NINL: variants seen among roughly 807,000 people sequenced by gnomAD.
The protein encoded by NINL is ninein-like protein.
NINL carries 153 observed loss-of-function variants against 160.3 expected under a neutral mutation model. The observed-to-expected ratio is 0.95, with a 90% CI of 0.84 to 1.09. The LOEUF (loss-of-function observed/expected upper bound fraction) is 1.09, where lower values mean the gene tolerates loss of function less well. NINL is among the 50% of genes least tolerant of loss of function. The pLI, the probability that NINL is intolerant of heterozygous loss-of-function variation, is 0.00. For synonymous variants in NINL, 800 were observed against 734.8 expected, an observed-to-expected ratio of 1.09 and a Z score of -1.43; for missense variants, 1,829 against 1,764.0, an observed-to-expected ratio of 1.04 and a Z score of -0.66.
Position 25,540,189 on chromosome 20 carries a change from G to C in NINL, c.-11-13591C>G, listed in dbSNP as rs1159206335. On this transcript the variant is annotated intron_variant, in intron 1 of 23. Transcript: ENST00000278886. ...TTGAGGGCAATATTCCAGATAAAAAGCAACAGTTTCTCTTAGTTTCATTTT... is the reference window on the plus strand; with the variant it reads ...TTGAGGGCAATATTCCAGATAAAAACCAACAGTTTCTCTTAGTTTCATTTT... 6 of 311,224 alleles carry C rather than the reference G, an allele frequency of 1.9e-5. No individual in the cohort carries two copies. The East Asian group carries it at 6.9e-4, about 36-fold the overall frequency. 19.3% of individuals were successfully genotyped at this position (311,224 alleles called of 1,614,324 possible). A position where few individuals can be genotyped will look rare whatever the true frequency, so the allele number is the denominator to read the frequency against.
At chr20:25,482,209 G>A (rs1411834474) in intron 13 of NINL, 109 bp from the exon 14 acceptor site, 1 of 1,251,730 alleles carries the variant, frequency 8.0e-7, no homozygotes, top group African/African-American at 1.5e-5. Flanking sequence ...TGCACTGTGA[G>A]GTGAGGGCCT....
intron 1 of NINL, among the ~76,000 whole-genome samples, chr20:25,553,665 CATT>C (rs1198611286): frequency 6.6e-6 from 1 of 152,210 alleles, no homozygotes; most frequent in East Asian, 1.9e-4. Context: ...ACTTGCACGC[CATT>C]ATGTGAACCT....
At chr20:25,582,027 C>T (rs6115216) in intron 1 of NINL, among the ~76,000 whole-genome samples, 12,139 of 152,238 alleles carry the variant, frequency 0.08, 712 homozygotes, top group South Asian at 0.19. Context: ...GGAGGCCGAG[C>T]GGGGTGGATC....
chr20:25,464,411 C>T (rs967127888), intron 19 of NINL, among the ~76,000 whole-genome samples: 1 of 148,060 alleles, frequency 6.8e-6, no homozygotes, highest in Non-Finnish European at 1.5e-5. Flanking sequence ...AACAAGACTC[C>T]ATCTCAAAAC....
intron 1 of NINL, among the ~76,000 whole-genome samples, chr20:25,577,721 C>A (rs2065131183): frequency 6.6e-6 from 1 of 152,154 alleles, no homozygotes; most frequent in Non-Finnish European, 1.5e-5. Context: ...TGAGGTCCAT[C>A]CTGGCGGGGG....
intron 16 of NINL, among the ~76,000 whole-genome samples, chr20:25,477,968 T>G (rs955777507): frequency 2.0e-5 from 3 of 150,678 alleles, no homozygotes; most frequent in Non-Finnish European, 4.4e-5. Context: ...TTTTTTTTTT[T>G]AGACGAGTCT....
chr20:25,515,619 C>G (rs958655899), intron 3 of NINL, among the ~76,000 whole-genome samples: 3 of 152,038 alleles, frequency 2.0e-5, no homozygotes, highest in Non-Finnish European at 4.4e-5. Context: ...GTGTCCCCAC[C>G]CAAATCTCAT....
At chr20:25,527,987 A>G (rs918715670) in intron 1 of NINL, among the ~76,000 whole-genome samples, 15 of 152,250 alleles carry the variant, frequency 9.9e-5, no homozygotes, top group African/African-American at 3.4e-4. Context: ...ATTACTGTGT[A>G]TTTATATGAC....
At chr20:25,531,519 A>G (rs1291645721) in intron 1 of NINL, among the ~76,000 whole-genome samples, 4 of 152,156 alleles carry the variant, frequency 2.6e-5, no homozygotes, top group Non-Finnish European at 5.9e-5. Context: ...TAAAAGTATT[A>G]ATTTGGGGAT....
intron 10 of NINL, 64 bp from the exon 11 acceptor site, chr20:25,491,589 C>G (rs958683331): frequency 6.4e-7 from 1 of 1,556,424 alleles, no homozygotes; most frequent in Non-Finnish European, 8.8e-7. Context: ...CCCACGCCAC[C>G]CCCTTCCTAG....
At chr20:25,572,432 T>G (rs977802027) in intron 1 of NINL, among the ~76,000 whole-genome samples, 1 of 152,154 alleles carries the variant, frequency 6.6e-6, no homozygotes, top group African/African-American at 2.4e-5. Flanking sequence ...TAATTATCTT[T>G]TGGTGATATA....
chr20:25,573,028 G>A (rs1200637417), intron 1 of NINL, among the ~76,000 whole-genome samples: 1 of 152,146 alleles, frequency 6.6e-6, no homozygotes, highest in African/African-American at 2.4e-5. Flanking sequence ...CAGGCGTGGT[G>A]GCTCACACCT....
intron 17 of NINL, among the ~76,000 whole-genome samples, chr20:25,473,189 C>T (rs1019172059): frequency 3.3e-5 from 5 of 152,152 alleles, no homozygotes; most frequent in African/African-American, 1.2e-4. Context: ...GTGGTTACCC[C>T]GGGGACTCTG....
intron 10 of NINL, among the ~76,000 whole-genome samples, chr20:25,491,790 A>G (rs1210377076): frequency 6.6e-6 from 1 of 152,232 alleles, no homozygotes; most frequent in African/African-American, 2.4e-5. Flanking sequence ...CACAGCGAGG[A>G]GCACAGCTCC....
At chr20:25,481,641 T>A (rs1365633133) in intron 14 of NINL, among the ~76,000 whole-genome samples, 1 of 152,178 alleles carries the variant, frequency 6.6e-6, no homozygotes, top group East Asian at 1.9e-4. Flanking sequence ...GAGGCCCCAA[T>A]GCATTCTCCG....
intron 1 of NINL, among the ~76,000 whole-genome samples, chr20:25,552,613 G>T (rs1215398532): frequency 1.3e-5 from 2 of 152,174 alleles, no homozygotes; most frequent in African/African-American, 4.8e-5. Flanking sequence ...ATCACGGAGG[G>T]GCCACAAGCC....
chr20:25,491,049 G>A (rs1259603961), intron 11 of NINL, among the ~76,000 whole-genome samples: 1 of 152,240 alleles, frequency 6.6e-6, no homozygotes, highest in Non-Finnish European at 1.5e-5. Flanking sequence ...GGTTTCTGGG[G>A]TTGAAGCAGT....
chr20:25,567,017 A>C (rs1242560601), intron 1 of NINL, among the ~76,000 whole-genome samples: 2 of 151,668 alleles, frequency 1.3e-5, no homozygotes, highest in Non-Finnish European at 2.9e-5. Flanking sequence ...ATGGTGGTGC[A>C]TACCTATAGT....
chr20:25,499,564 G>A lies in NINL; in HGVS notation c.1033-1218C>T, dbSNP rs947216529. Among the ~76,000 whole-genome samples, 5 of 152,182 alleles carry A rather than the reference G, an allele frequency of 3.3e-5. No individual in the cohort carries two copies. In the South Asian group the frequency reaches 6.2e-4, roughly 19 times the overall value. On this transcript the variant is annotated intron_variant, in intron 8 of 23. Coordinates refer to ENST00000278886, the MANE Select transcript of NINL (RefSeq NM_025176.6). ...TGTGCTCTCTGCCCTTCCTGCAAGC[G>A]ATTTTTGGTGATCCTGCCTCCGCCT... is the stretch of plus-strand genomic sequence containing the variant.
Sources: allele counts gnomAD v4.1 joint callset (sites outside exome capture counted in the v4.1 genomes callset), GRCh38; gene constraint gnomAD v4.1.1; transcripts MANE v1.5; gene names NCBI Gene and HGNC (gene_info 2026-07-23, HGNC 2026-07-21).